NFASC: variants seen among roughly 807,000 people sequenced by gnomAD.
NFASC encodes neurofascin, also known as neurofascin homolog.
Under a neutral mutation model 147.5 loss-of-function variants are expected in NFASC, and 43 were observed. The ratio of observed to expected loss-of-function variants is 0.29; its 90% CI spans 0.23 to 0.38. The LOEUF (loss-of-function observed/expected upper bound fraction) is 0.38, where lower values mean the gene tolerates loss of function less well. Ranked by LOEUF, NFASC falls within the 10% of genes least tolerant of loss-of-function variation. NFASC has a pLI of 1.00. For missense variants in NFASC, 1,320 were observed against 1,689.0 expected (o/e 0.78, Z 3.83); for synonymous variants, 622 against 665.5 (o/e 0.93, Z 1.01).
At chr1:204,962,278 A>ACCCT in intron 8 of NFASC, 1 of 829,360 alleles carries the variant, frequency 1.2e-6, no homozygotes, top group Non-Finnish European at 2.0e-6. Context: ...CAGGGTGCCA[A>ACCCT]GGTGACACCT....
chr1:204,838,282 C>T (rs1674343507), intron 1 of NFASC, among the ~76,000 whole-genome samples: 1 of 152,204 alleles, frequency 6.6e-6, no homozygotes, highest in Non-Finnish European at 1.5e-5. Flanking sequence ...TTAGACTGCA[C>T]AGCTCTATAG....
chr1:204,973,140 A>T (rs567530564), intron 11 of NFASC, 136 bp from the exon 12 acceptor site: 1 of 847,762 alleles, frequency 1.2e-6, no homozygotes, highest in Non-Finnish European at 1.9e-6. Flanking sequence ...CAAGGCCAGA[A>T]GCCCTGTCAT....
chr1:204,873,057 A>G (rs995256983), intron 1 of NFASC, among the ~76,000 whole-genome samples: 3 of 152,122 alleles, frequency 2.0e-5, no homozygotes, highest in African/African-American at 7.2e-5. Context: ...AGAAGACAAT[A>G]AAGTGGGTTA....
intron 1 of NFASC, among the ~76,000 whole-genome samples, chr1:204,918,753 T>G (rs1388602203): frequency 6.6e-6 from 1 of 151,360 alleles, no homozygotes; most frequent in Non-Finnish European, 1.5e-5. Context: ...GCCCGGCTAA[T>G]TTTTGTATTT....
In NFASC at chr1:204,920,672, C is replaced by T; in HGVS notation, c.-159C>T. The T allele has an allele frequency of 7.8e-7, 1 of 1,289,576 alleles. No homozygotes were observed. Among genetic ancestry groups the T allele is most frequent in the Non-Finnish European group, 1.0e-6 (1 of 988,800 alleles). The allele number at this position is 1,289,576 out of a possible 1,614,324, so 79.9% of individuals were successfully genotyped here. A position where few individuals can be genotyped will look rare whatever the true frequency, so the allele number is the denominator to read the frequency against. On this transcript the variant is annotated 5_prime_UTR_variant, in exon 2 of 30. Coordinates refer to ENST00000339876, the MANE Select transcript of NFASC (RefSeq NM_001005388.3). Reference sequence around the variant, plus strand: ...TGCAATTTGGGACGCTGGAGTTTACCTTCCCTCCGCAGCCTGGAACAGAGC... The same window carrying T: ...TGCAATTTGGGACGCTGGAGTTTACTTTCCCTCCGCAGCCTGGAACAGAGC...
chr1:204,907,944 ATG>A (rs58491017), intron 1 of NFASC, among the ~76,000 whole-genome samples: 61,573 of 150,576 alleles, frequency 0.41, 12,855 homozygotes, highest in Admixed American at 0.52. Context: ...ATGAGAATAA[ATG>A]TGTGTGTGTG....
intron 2 of NFASC, among the ~76,000 whole-genome samples, chr1:204,935,934 C>T (rs922578703): frequency 6.6e-6 from 1 of 152,178 alleles, no homozygotes; most frequent in Admixed American, 6.5e-5. Context: ...GTCAGTCACT[C>T]TCCTTTCCCA....
rs777026000 is a variant in NFASC at position 204,973,284 on chromosome 1, C to T, written c.1144C>T (p.Pro382Ser). The T allele has an allele frequency of 3.1e-6, 5 of 1,614,066 alleles. No individual in the cohort carries two copies. In the African/African-American group the frequency reaches 6.7e-5, roughly 22 times the overall value. ...CTCTTTCTTGTCTGTAGCGGCACCACCTAACCCAAACCGTGAGGTGGCCGG... is the reference window on the plus strand; with the variant it reads ...CTCTTTCTTGTCTGTAGCGGCACCATCTAACCCAAACCGTGAGGTGGCCGG... ...VNGEPLQSAP[P>S]NPNREVAGDT... Residue 382 changes from proline (P) to serine (S), a missense_variant, in exon 12 of 30, where the codon CCT becomes TCT. Pro to Ser is a moderately conservative substitution (Grantham distance 74, BLOSUM62 -1). Around this residue, in one of 3 missense-constraint regions of NFASC, gnomAD observed 981 missense variants for 1,289.5 expected, o/e 0.76. Coordinates refer to ENST00000339876, the MANE Select transcript of NFASC (RefSeq NM_001005388.3).
intron 8 of NFASC, among the ~76,000 whole-genome samples, chr1:204,959,860 A>T (rs1222085185): frequency 6.6e-6 from 1 of 152,220 alleles, no homozygotes; most frequent in Non-Finnish European, 1.5e-5. Context: ...CTACCAGAAG[A>T]AGTAAGGGAT....
At chr1:204,998,673 C>A (rs1407841811) in intron 25 of NFASC, 1 of 152,172 alleles carries the variant, frequency 6.6e-6, no homozygotes, top group Non-Finnish European at 1.5e-5. Flanking sequence ...TTAGAAGCTG[C>A]CACCAGCGGG....
intron 29 of NFASC, among the ~76,000 whole-genome samples, chr1:205,013,311 C>T (rs2151072884): frequency 6.6e-6 from 1 of 152,298 alleles, no homozygotes; most frequent in South Asian, 2.1e-4. Context: ...CCCTGGGAGG[C>T]TGTGATGTCT....
At chr1:204,992,672 G>A (rs1027439806) in intron 24 of NFASC, among the ~76,000 whole-genome samples, 2 of 152,128 alleles carry the variant, frequency 1.3e-5, no homozygotes, top group African/African-American at 4.8e-5. Flanking sequence ...AGTCTCTCCC[G>A]TGACGAAGAG....
chr1:204,858,942 G>A (rs905647203), intron 1 of NFASC, among the ~76,000 whole-genome samples: 2 of 150,266 alleles, frequency 1.3e-5, no homozygotes, highest in African/African-American at 4.9e-5. Flanking sequence ...TTTACCACCC[G>A]TCTCTTGCCC....
Position 204,980,392 on chromosome 1 carries a change from C to T in NFASC, c.2199C>T (p.Asp733=), listed in dbSNP as rs752314030. 8.1e-6 allele frequency: 13 copies of T among 1,613,532 alleles called. No individual in the cohort carries two copies. The highest frequency in any genetic ancestry group is 5.3e-5 in the African/African-American group (4 of 74,898). The part of the protein sequence containing the change: ...SGAPPESNPG[D]VKGEGTRKNN... ...CAGCCCCCGAGTCCAATCCTGGTGA[C>T]GTGAAGGGAGAGGGGACCAGAAAGA... Residue 733 remains aspartate, a synonymous_variant, in exon 20 of 30, where the codon GAC becomes GAT. Transcript: ENST00000339876.
intron 20 of NFASC, among the ~76,000 whole-genome samples, chr1:204,980,672 G>T (rs2095494448): frequency 6.6e-6 from 1 of 152,184 alleles, no homozygotes; most frequent in African/African-American, 2.4e-5. Flanking sequence ...GGAGCAGAGG[G>T]GACCAGGGTC....
intron 1 of NFASC, among the ~76,000 whole-genome samples, chr1:204,861,252 C>T (rs1326218554): frequency 5.3e-5 from 8 of 151,820 alleles, no homozygotes; most frequent in Non-Finnish European, 1.2e-4. Flanking sequence ...CCACACCCAG[C>T]TAATTTTTGT....
intron 29 of NFASC, among the ~76,000 whole-genome samples, chr1:205,013,545 G>A (rs367690287): frequency 6.6e-6 from 1 of 152,134 alleles, no homozygotes. Flanking sequence ...GCCAGGTCCC[G>A]CATTTCCAGC....
chr1:204,992,536 C>T (rs2095758032), intron 24 of NFASC, among the ~76,000 whole-genome samples: 1 of 152,228 alleles, frequency 6.6e-6, no homozygotes, highest in Non-Finnish European at 1.5e-5. Flanking sequence ...CCAGTGCCTC[C>T]CCACAAGGTC....
At chr1:204,947,268 C>G (rs1056744528) in intron 3 of NFASC, 2 of 184,622 alleles carry the variant, frequency 1.1e-5, no homozygotes, top group African/African-American at 2.4e-5. Flanking sequence ...CCCGGCTGCC[C>G]TGGGAAGAGG....
Sources: allele counts gnomAD v4.1 joint callset (sites outside exome capture counted in the v4.1 genomes callset), GRCh38; gene constraint gnomAD v4.1.1; regional missense constraint gnomAD v4.1.1; transcripts MANE v1.5; gene names NCBI Gene and HGNC (gene_info 2026-07-23, HGNC 2026-07-21).